NTRK3: variants seen among roughly 807,000 people sequenced by gnomAD.
The protein encoded by NTRK3 is NT-3 growth factor receptor.
NTRK3 carries 24 observed loss-of-function variants against 91.7 expected under a neutral mutation model. That is an observed-to-expected ratio of 0.26 (90% CI 0.19 to 0.37). The LOEUF (loss-of-function observed/expected upper bound fraction) is 0.37, where lower values mean the gene tolerates loss of function less well. Among genes scored for constraint, NTRK3 ranks in the 10% least tolerant of loss-of-function variants. NTRK3 has a pLI of 1.00. For missense variants in NTRK3, 880 were observed against 1,068.9 expected (o/e 0.82, Z 2.46); for synonymous variants, 483 against 404.0 (o/e 1.20, Z -2.34).
chr15:87,926,281 T>C (rs964301947), intron 17 of NTRK3, among the ~76,000 whole-genome samples: 3 of 152,232 alleles, frequency 2.0e-5, no homozygotes, highest in Admixed American at 1.3e-4. Context: ...GAGTGGTGTA[T>C]ACATTAGGAC....
chr15:87,898,823 T>TA (rs34425235), intron 17 of NTRK3, among the ~76,000 whole-genome samples: 55,945 of 103,790 alleles, frequency 0.54, 15,987 homozygotes, highest in Non-Finnish European at 0.64. Context: ...CTGTCTCTAC[T>TA]AAAAAAAAAA....
At chr15:88,103,083 T>C (rs1225848981) in intron 13 of NTRK3, among the ~76,000 whole-genome samples, 1 of 152,224 alleles carries the variant, frequency 6.6e-6, no homozygotes, top group Non-Finnish European at 1.5e-5. Flanking sequence ...ATGACGAACG[T>C]AGGCTCAAGG....
chr15:88,000,214 CAT>C (rs2076001740), intron 14 of NTRK3, among the ~76,000 whole-genome samples: 1 of 152,152 alleles, frequency 6.6e-6, no homozygotes. Flanking sequence ...AAAATGTCGA[CAT>C]ATGTCCATAC....
intron 17 of NTRK3, among the ~76,000 whole-genome samples, chr15:87,903,903 A>G (rs1463487972): frequency 6.6e-6 from 1 of 152,188 alleles, no homozygotes; most frequent in Non-Finnish European, 1.5e-5. Context: ...TAGCTTATAG[A>G]CATCTTCACT....
At chr15:87,976,900 GCAC>G (rs1485722150) in intron 14 of NTRK3, among the ~76,000 whole-genome samples, 1 of 152,158 alleles carries the variant, frequency 6.6e-6, no homozygotes, top group Non-Finnish European at 1.5e-5. Flanking sequence ...CTTTGCTGGT[GCAC>G]CAAAGATAAA....
intron 3 of NTRK3, among the ~76,000 whole-genome samples, chr15:88,186,590 G>A (rs750780690): frequency 1.1e-4 from 16 of 152,162 alleles, no homozygotes; most frequent in Admixed American, 2.6e-4. Context: ...GCTACAGCCC[G>A]CTGCCTGCTT....
At chr15:87,888,509 G>A (rs549351650) in intron 17 of NTRK3, among the ~76,000 whole-genome samples, 69 of 152,302 alleles carry the variant, frequency 4.5e-4, no homozygotes, top group Admixed American at 4.4e-3. Context: ...AGCCAGAGAA[G>A]CTCAGTCTCT....
chr15:87,924,791 C>T (rs1255256683), intron 17 of NTRK3, among the ~76,000 whole-genome samples: 1 of 152,122 alleles, frequency 6.6e-6, no homozygotes, highest in Non-Finnish European at 1.5e-5. Flanking sequence ...TTATTAGGTG[C>T]CTAACAAGTG....
chr15:88,022,804 G>A (rs989596475), intron 14 of NTRK3, among the ~76,000 whole-genome samples: 1 of 152,098 alleles, frequency 6.6e-6, no homozygotes, highest in Non-Finnish European at 1.5e-5. Flanking sequence ...CAATTACCTT[G>A]TATTTACAGT....
intron 3 of NTRK3, among the ~76,000 whole-genome samples, chr15:88,213,429 G>A (rs759926600): frequency 1.2e-4 from 19 of 152,194 alleles, no homozygotes; most frequent in Admixed American, 3.3e-4. Flanking sequence ...CTGCCCACAC[G>A]TGTCCACTTG....
chr15:88,137,224 A>G (rs2041959037), intron 7 of NTRK3, among the ~76,000 whole-genome samples, 180 bp downstream of exon 7: 3 of 152,174 alleles, frequency 2.0e-5, no homozygotes, highest in Admixed American at 2.0e-4. Context: ...GCACAAAGGG[A>G]CAGGAATGAC....
rs1401516924 is a variant in NTRK3 at position 88,040,716 on chromosome 15, C to G, written c.1397-7671G>C. 3.3e-5 allele frequency among the ~76,000 whole-genome samples: 5 copies of G among 152,298 alleles called. No individual in the cohort carries two copies. The East Asian group carries it at 9.6e-4, about 29-fold the overall frequency. ...GCCCAGCCAACGTGTAGAAGTGGTT[C>G]TTCTCCAAATTCCAAAGGAGTGACA... is the stretch of plus-strand genomic sequence containing the variant. On this transcript the variant is annotated intron_variant, in intron 13 of 18. Coordinates refer to ENST00000394480, the Ensembl canonical transcript of NTRK3.
chr15:88,121,419 G>A (rs1028850275), intron 13 of NTRK3, among the ~76,000 whole-genome samples: 2 of 152,108 alleles, frequency 1.3e-5, no homozygotes, highest in Non-Finnish European at 1.5e-5. Context: ...TCTGGGCCTC[G>A]GTTTCTTCAC....
intron 14 of NTRK3, among the ~76,000 whole-genome samples, chr15:88,009,622 G>T (rs915141549): frequency 6.6e-6 from 1 of 152,148 alleles, no homozygotes. Flanking sequence ...CACCCCTATA[G>T]GGTGCACATG....
rs184632140 is a variant in NTRK3, at chr15:88,136,648, A to C, written c.623-39T>G. ...AAAGTGGGTGAAAAGACAGGCAAACACTTACTACCCAAAGGAAGCTCTGTC... is the reference window on the plus strand; with the variant it reads ...AAAGTGGGTGAAAAGACAGGCAAACCCTTACTACCCAAAGGAAGCTCTGTC... On this transcript the variant is annotated intron_variant, in intron 7 of 18. Coordinates refer to ENST00000394480, the Ensembl canonical transcript of NTRK3. 8 of 1,601,060 alleles carry C rather than the reference A, an allele frequency of 5.0e-6. No individual in the cohort carries two copies. The East Asian group carries it at 1.3e-4, about 27-fold the overall frequency.
Position 88,243,536 on chromosome 15 carries a change from GCACACACACA to G in NTRK3, c.248+12360_248+12369del, listed in dbSNP as rs4034771. Reference sequence around the variant, plus strand: ...CACTTGATCCCATCCCCCATAGCATGCACACACACACACACACACACACACACACACACAC... The same window carrying G: ...CACTTGATCCCATCCCCCATAGCATGCACACACACACACACACACACACAC... On this transcript the variant is annotated intron_variant, in intron 3 of 18. Transcript: ENST00000394480. The surrounding 1 kb of genome is among the most constrained non-coding windows in gnomAD (Gnocchi z 4.8). 5.5e-5 allele frequency among the ~76,000 whole-genome samples: 8 copies of G among 145,876 alleles called. No homozygotes were observed. The highest frequency in any genetic ancestry group is 2.2e-4 in the South Asian group (1 of 4,562).
chr15:88,208,144 G>A (rs1247375488), intron 3 of NTRK3, among the ~76,000 whole-genome samples: 3 of 152,064 alleles, frequency 2.0e-5, no homozygotes, highest in African/African-American at 7.2e-5. Flanking sequence ...AGAAACAGGA[G>A]ACATCCCTTC....
intron 6 of NTRK3, chr15:88,143,801 C>A (rs939324436): frequency 6.6e-6 from 1 of 152,264 alleles, no homozygotes; most frequent in Admixed American, 6.5e-5. Context: ...CCAAACCCAT[C>A]CCCGCTACTG....
intron 17 of NTRK3, among the ~76,000 whole-genome samples, chr15:87,902,761 A>AATACATT (rs2066528616): frequency 6.6e-6 from 1 of 152,214 alleles, no homozygotes; most frequent in East Asian, 1.9e-4. Context: ...TCGACTCTCA[A>AATACATT]GTTAGTTTCT....
Sources: allele counts gnomAD v4.1 joint callset (sites outside exome capture counted in the v4.1 genomes callset), GRCh38; gene constraint gnomAD v4.1.1; non-coding constraint Gnocchi (gnomAD v3.1); transcripts MANE v1.5; gene names NCBI Gene and HGNC (gene_info 2026-07-23, HGNC 2026-07-21).